ZNF317: variants seen among roughly 807,000 people sequenced by gnomAD.
ZNF317 encodes KRAB-containing zinc finger protein 317.
In ZNF317, 17 loss-of-function variants were observed where a neutral mutation model predicts 23.4. The ratio of observed to expected loss-of-function variants is 0.73; its 90% CI spans 0.50 to 1.09. The LOEUF (loss-of-function observed/expected upper bound fraction) is 1.09. Among genes scored for constraint, ZNF317 ranks in the 50% least tolerant of loss-of-function variants. The pLI is 0.00. For missense variants in ZNF317, 679 were observed against 796.7 expected, an observed-to-expected ratio of 0.85 and a Z score of 1.78; for synonymous variants, 317 against 314.9, an observed-to-expected ratio of 1.01 and a Z score of -0.07.
chr19:9,149,531 G>A (rs1213392401), intron 1 of ZNF317, among the ~76,000 whole-genome samples: 1 of 152,026 alleles, frequency 6.6e-6, no homozygotes, highest in African/African-American at 2.4e-5. Flanking sequence ...GTTGAATAAA[G>A]ATCTGAAGGA....
chr19:9,149,299 C>A (rs904988965), intron 1 of ZNF317, among the ~76,000 whole-genome samples: 2 of 151,990 alleles, frequency 1.3e-5, no homozygotes, highest in African/African-American at 4.8e-5. Context: ...CATGGTGAAA[C>A]CCTGTCTCTA....
rs1386443854 is a variant in ZNF317 at position 9,160,987 on chromosome 19, T to C, written c.1342T>C (p.Cys448Arg). 2 of 1,613,990 alleles carry C rather than the reference T, an allele frequency of 1.2e-6. No homozygotes were observed. Among genetic ancestry groups the C allele is most frequent in the Non-Finnish European group, 1.7e-6 (2 of 1,180,036 alleles). Residue 448 changes from cysteine (C) to arginine (R), a missense_variant, in exon 7 of 7, where the codon TGC becomes CGC. By Grantham distance (180) the Cys-to-Arg change is radical. Transcript: ENST00000247956. This position sits in a 1 kb window ranked among gnomAD's most constrained non-coding sequence, Gnocchi z 6.8. ...NSHTGEKPYG[C>R]DLCGKAFSAS... ...TCACACTGGAGAGAAACCATACGGGTGCGATCTCTGCGGGAAAGCTTTCAG... is the reference window on the plus strand; with the variant it reads ...TCACACTGGAGAGAAACCATACGGGCGCGATCTCTGCGGGAAAGCTTTCAG...
rs1246817305 is a variant in ZNF317 at position 9,140,399 on chromosome 19, T to C, written c.-286T>C. ...TCCCGCGAGAATTGGAAGGCGGCAGTGAAGCGGAAGCCATTACTCTCTGGA... is the reference window on the plus strand; with the variant it reads ...TCCCGCGAGAATTGGAAGGCGGCAGCGAAGCGGAAGCCATTACTCTCTGGA... On this transcript the variant is annotated 5_prime_UTR_variant, in exon 1 of 7. Coordinates refer to ENST00000247956, the MANE Select transcript of ZNF317 (RefSeq NM_020933.5). 2.6e-6 allele frequency: 1 copy of C among 389,884 alleles called. No individual in the cohort carries two copies. Among genetic ancestry groups the C allele is most frequent in the Non-Finnish European group, 5.2e-6 (1 of 193,192 alleles). The allele number at this position is 389,884 out of a possible 1,614,324, so 24.2% of individuals were successfully genotyped here. A position where few individuals can be genotyped will look rare whatever the true frequency, so the allele number is the denominator to read the frequency against.
intron 1 of ZNF317, among the ~76,000 whole-genome samples, chr19:9,150,516 C>T (rs993567840): frequency 6.6e-6 from 1 of 152,132 alleles, no homozygotes; most frequent in Non-Finnish European, 1.5e-5. Flanking sequence ...TGGGTGTCAG[C>T]ACCTCCAAAT....
chr19:9,144,210 T>C (rs1028199517), intron 1 of ZNF317, among the ~76,000 whole-genome samples: 6 of 151,974 alleles, frequency 3.9e-5, no homozygotes, highest in Non-Finnish European at 8.8e-5. Context: ...ATCATATTGG[T>C]CAGGCTGGTC....
In ZNF317 at chr19:9,158,023, G is replaced by A. The variant is rs2050804544; in HGVS notation, c.333G>A (p.Gln111=). The A allele has an allele frequency of 1.3e-6, 2 of 1,551,482 alleles. No individual in the cohort carries two copies. The highest frequency in any genetic ancestry group is 2.7e-5 in the African/African-American group (2 of 73,044). Reference sequence around the variant, plus strand: ...CCAGCCTCATCTCACACTTGGAGCAGGAGGAGGAGCCGAGGACAGAGGAGA... The same window carrying A: ...CCAGCCTCATCTCACACTTGGAGCAAGAGGAGGAGCCGAGGACAGAGGAGA... ...GKPSLISHLE[Q]EEEPRTEERG... is the part of the protein sequence containing the mutation. The change falls in exon 5 of 7, where the codon CAG becomes CAA. Residue 111 remains glutamine, a synonymous_variant. Coordinates refer to ENST00000247956, the MANE Select transcript of ZNF317 (RefSeq NM_020933.5).
rs776581463 is a variant in ZNF317 at position 9,160,150 on chromosome 19, G to A, written c.505G>A (p.Ala169Thr). Residue 169 changes from alanine to threonine, a missense_variant, in exon 7 of 7, where the codon GCT (alanine) becomes ACT (threonine). Ala to Thr is a moderately conservative substitution (Grantham distance 58, BLOSUM62 0). Transcript: ENST00000247956. The surrounding 1 kb of genome is among the most constrained non-coding windows in gnomAD (Gnocchi z 6.8). ...TCTTGGAGAGAAGTCCACTGAATACGCTCACTTGTTCGAAGTCTTTGGCAT... is the reference window on the plus strand; with the variant it reads ...TCTTGGAGAGAAGTCCACTGAATACACTCACTTGTTCGAAGTCTTTGGCAT... ...AGLGEKSTEY[A>T]HLFEVFGMDP... 1.7e-5 allele frequency: 28 copies of A among 1,614,136 alleles called. No homozygotes were observed. The East Asian group carries it at 6.2e-4, about 36-fold the overall frequency.
chr19:9,156,468 C>A, intron 2 of ZNF317, 144 bp from the exon 3 acceptor site: 1 of 1,112,958 alleles, frequency 9.0e-7, no homozygotes, highest in Non-Finnish European at 1.3e-6. Context: ...CTGATGTGTG[C>A]AAGAGAGGTG....
intron 1 of ZNF317, among the ~76,000 whole-genome samples, chr19:9,143,068 T>C (rs1390718152): frequency 6.6e-6 from 1 of 152,196 alleles, no homozygotes; most frequent in Non-Finnish European, 1.5e-5. Context: ...GTTTCTGTTC[T>C]TTTAAGGTTT....
intron 1 of ZNF317, among the ~76,000 whole-genome samples, chr19:9,141,193 C>T (rs1195471435): frequency 6.6e-6 from 1 of 152,110 alleles, no homozygotes; most frequent in Admixed American, 6.6e-5. Context: ...TTGAATTTTA[C>T]CGTCTTATTT....
intron 1 of ZNF317, among the ~76,000 whole-genome samples, chr19:9,146,099 A>G (rs771671853): frequency 1.3e-5 from 2 of 151,816 alleles, no homozygotes; most frequent in African/African-American, 4.8e-5. Flanking sequence ...CCCTTTAGAA[A>G]TCATAAATTT....
chr19:9,160,644 C>G lies in ZNF317; in HGVS notation c.999C>G (p.Pro333=), dbSNP rs540370102. ...AHKRTHTGER[P]YECHDCGKAF... ...AGAGAACGCACACCGGAGAGAGGCC[C>G]TACGAGTGTCACGACTGTGGGAAAG... Residue 333 remains proline, a synonymous_variant, in exon 7 of 7, where the codon CCC becomes CCG. Transcript: ENST00000247956. This position sits in a 1 kb window ranked among gnomAD's most constrained non-coding sequence, Gnocchi z 6.8. 7.4e-6 allele frequency: 12 copies of G among 1,614,042 alleles called. No individual in the cohort carries two copies. In the Admixed American group the frequency reaches 1.5e-4, roughly 20 times the overall value.
At chr19:9,153,233 CT>C (rs2050751839) in intron 1 of ZNF317, among the ~76,000 whole-genome samples, 1 of 152,180 alleles carries the variant, frequency 6.6e-6, no homozygotes, top group African/African-American at 2.4e-5. Context: ...ACGATCTCAG[CT>C]TACCTCAACC....
chr19:9,157,276 G>T lies in ZNF317; in HGVS notation c.171G>T (p.Val57=). 6.2e-7 allele frequency: 1 copy of T among 1,613,794 alleles called. No homozygotes were observed. Among genetic ancestry groups the T allele is most frequent in the South Asian group, 1.1e-5 (1 of 91,060 alleles). Residue 57 remains valine (V), a synonymous_variant, in exon 4 of 7, where the codon GTG becomes GTT. Transcript: ENST00000247956. ...TTTGTGTGGCGTTCCAGGAATCGGT[G>T]ACTTTCCAAGATGTCGCTGTGGACT... ...HTPSVGSQES[V]TFQDVAVDFT... is the part of the protein sequence containing the mutation.
chr19:9,149,415 T>G (rs2145945961), intron 1 of ZNF317, among the ~76,000 whole-genome samples: 1 of 152,128 alleles, frequency 6.6e-6, no homozygotes, highest in Middle Eastern at 3.4e-3. Flanking sequence ...CAGGTTGCAG[T>G]GAGCTGAGAT....
chr19:9,147,373 T>A, intron 1 of ZNF317, among the ~76,000 whole-genome samples: 1 of 131,014 alleles, frequency 7.6e-6, no homozygotes, highest in Non-Finnish European at 1.5e-5. Context: ...GGAGTCTCGC[T>A]CTGTCGCCCA....
At chr19:9,151,020 C>T (rs1349234188) in intron 1 of ZNF317, among the ~76,000 whole-genome samples, 1 of 152,152 alleles carries the variant, frequency 6.6e-6, no homozygotes, top group Non-Finnish European at 1.5e-5. Flanking sequence ...ACCTTGTAAA[C>T]ACTACACATG....
intron 1 of ZNF317, among the ~76,000 whole-genome samples, chr19:9,149,777 G>T (rs1294565499): frequency 6.6e-6 from 1 of 152,106 alleles, no homozygotes; most frequent in Non-Finnish European, 1.5e-5. Context: ...CAGAGGAGCG[G>T]TGTGATCTTC....
At position 9,140,455 on chromosome 19, in the gene ZNF317, A is replaced by T; in HGVS notation, c.-230A>T. ...TTGCCCCGAGACACATGGGCCAAGG[A>T]GGGGTCAGCGGCGAATTCTTTCGGC... On this transcript the variant is annotated 5_prime_UTR_variant, in exon 1 of 7. Transcript: ENST00000247956. The T allele has an allele frequency of 2.2e-6, 1 of 454,770 alleles. No homozygotes were observed. Among genetic ancestry groups the T allele is most frequent in the Non-Finnish European group, 4.4e-6 (1 of 226,076 alleles). The allele number at this position is 454,770 out of a possible 1,614,324, so 28.2% of individuals were successfully genotyped here.
Sources: gnomAD v4.1 joint callset for allele counts (sites outside exome capture counted in the v4.1 genomes callset) on GRCh38, gnomAD v4.1.1 for gene constraint, Gnocchi (gnomAD v3.1) non-coding constraint, MANE v1.5 for transcripts, NCBI Gene and HGNC (gene_info 2026-07-23, HGNC 2026-07-21) for gene names.